The following AGBL1 variants were observed in gnomAD, a reference collection of about 807,000 sequenced individuals.
AGBL1 encodes AGBL carboxypeptidase 1.
AGBL1 carries 130 observed loss-of-function variants against 118.9 expected under a neutral mutation model. The ratio of observed to expected loss-of-function variants is 1.09; its 90% CI spans 0.95 to 1.26. The LOEUF (loss-of-function observed/expected upper bound fraction) is 1.26, where lower values mean the gene tolerates loss of function less well. Ranked by LOEUF, AGBL1 falls within the 50% of genes most tolerant of loss-of-function variation. The pLI, the probability that AGBL1 is intolerant of heterozygous loss-of-function variation, is 0.00. For synonymous variants in AGBL1, 555 were observed against 478.9 expected (o/e 1.16, Z -2.08); for missense variants, 1,584 against 1,298.1 (o/e 1.22, Z -3.38).
At chr15:86,672,135 CAG>C (rs1272466732) in intron 21 of AGBL1, among the ~76,000 whole-genome samples, 1 of 152,046 alleles carries the variant, frequency 6.6e-6, no homozygotes, top group African/African-American at 2.4e-5. Context: ...GAGAAAAAAA[CAG>C]AGTAGTAAAG....
intron 23 of AGBL1, among the ~76,000 whole-genome samples, chr15:86,934,005 C>T (rs1187189988): frequency 2.6e-5 from 4 of 152,148 alleles, no homozygotes; most frequent in South Asian, 4.1e-4. Context: ...TAATGTTCTC[C>T]GTCTGTGGAT....
chr15:86,695,227 AT>A (rs985168589), intron 22 of AGBL1, among the ~76,000 whole-genome samples: 7 of 151,644 alleles, frequency 4.6e-5, no homozygotes, highest in Non-Finnish European at 1.0e-4. Context: ...TGGTCCTAGA[AT>A]TTTTTTGTTG....
At chr15:86,365,980 G>C (rs759397560) in intron 17 of AGBL1, among the ~76,000 whole-genome samples, 13 of 152,132 alleles carry the variant, frequency 8.5e-5, no homozygotes, top group Non-Finnish European at 1.6e-4. Context: ...TGAGAAACTT[G>C]AATCAAAGCA....
chr15:87,006,709 C>A (rs1003115905), intron 24 of AGBL1, among the ~76,000 whole-genome samples: 1 of 152,116 alleles, frequency 6.6e-6, no homozygotes, highest in African/African-American at 2.4e-5. Flanking sequence ...CAACAAGCCC[C>A]AGTGAGATGA....
intron 17 of AGBL1, among the ~76,000 whole-genome samples, chr15:86,340,069 C>A (rs2080438081): frequency 6.6e-6 from 1 of 152,056 alleles, no homozygotes; most frequent in Admixed American, 6.6e-5. Flanking sequence ...ATGATAACTG[C>A]TTAAAATCTT....
In AGBL1 at chr15:86,273,763, G is replaced by A. The variant is rs2079198980; in HGVS notation, c.2075+2057G>A. Among the ~76,000 whole-genome samples the A allele has an allele frequency of 2.0e-5, 3 of 152,110 alleles. No individual in the cohort carries two copies. The South Asian group carries it at 6.2e-4, about 31-fold the overall frequency. On this transcript the variant is annotated intron_variant, in intron 15 of 22. Coordinates refer to ENST00000614907, the MANE Select transcript of AGBL1 (RefSeq NM_001386094.1). ...TTATGCTGTTAAAGTCCCAGATTTG[G>A]TGCCATGTTTTAAGAGGATGCCAGG...
intron 22 of AGBL1, among the ~76,000 whole-genome samples, chr15:86,838,504 C>G (rs7180649): frequency 0.038 from 5,710 of 152,192 alleles, 339 homozygotes; most frequent in African/African-American, 0.13. Context: ...GTTTGACTGT[C>G]TGTCCGTGGT....
At chr15:86,803,330 A>G (rs548172476) in intron 22 of AGBL1, among the ~76,000 whole-genome samples, 2 of 152,232 alleles carry the variant, frequency 1.3e-5, no homozygotes, top group East Asian at 1.9e-4. Context: ...TCCTTCTGCC[A>G]TGTGAAGAAA....
Position 86,268,216 on chromosome 15 carries a change from A to AT in AGBL1, c.1838+1151dup, listed in dbSNP as rs911933832. On this transcript the variant is annotated intron_variant, in intron 13 of 22. Transcript: ENST00000614907. ...TCCTCTTTGGGGGAGGTGAAGGGTG[A>AT]TTTTTTTTTTTGTACATAAAATATT... is the stretch of plus-strand genomic sequence containing the variant. Among the ~76,000 whole-genome samples the AT allele has an allele frequency of 1.5e-3, 214 of 147,420 alleles. 1 individual carries two copies. Among genetic ancestry groups the AT allele is most frequent in the African/African-American group, 3.1e-3 (124 of 40,524 alleles).
chr15:86,954,003 T>C lies in AGBL1; in HGVS notation c.3222-33984T>C, dbSNP rs78096987. On this transcript the variant is annotated intron_variant, in intron 23 of 24. Transcript: ENST00000441037. ...AAAAAATGCTCCTCATCACTAATTA[T>C]CAGGAAAATGCCAATCAATCAAAAA... Among the ~76,000 whole-genome samples, 423 of 152,218 alleles carry C rather than the reference T, an allele frequency of 2.8e-3. 1 individual carries two copies. The highest frequency in any genetic ancestry group is 9.4e-3 in the African/African-American group (390 of 41,536).
intron 18 of AGBL1, among the ~76,000 whole-genome samples, chr15:86,445,047 T>A (rs1170122258): frequency 2.6e-5 from 4 of 152,120 alleles, no homozygotes; most frequent in African/African-American, 9.7e-5. Context: ...CTGTCTGAGT[T>A]GGGGTGTGAA....
chr15:86,254,261 T>C (rs2078860833), intron 7 of AGBL1, among the ~76,000 whole-genome samples: 1 of 152,252 alleles, frequency 6.6e-6, no homozygotes, highest in African/African-American at 2.4e-5. Context: ...TATTCGGCAC[T>C]TGCCTACTTT....
chr15:86,624,869 C>T (rs2084860423), intron 21 of AGBL1, among the ~76,000 whole-genome samples: 1 of 152,150 alleles, frequency 6.6e-6, no homozygotes, highest in Non-Finnish European at 1.5e-5. Context: ...AGTGAGTCAG[C>T]CCTGAGTCAG....
intron 23 of AGBL1, among the ~76,000 whole-genome samples, chr15:86,958,672 T>A (rs2080958404): frequency 6.6e-6 from 1 of 152,196 alleles, no homozygotes; most frequent in African/African-American, 2.4e-5. Flanking sequence ...TATAATTTTT[T>A]ATCAGCACTT....
chr15:86,342,306 G>A lies in AGBL1; in HGVS notation c.2374+46898G>A, dbSNP rs527513179. ...TATGTTCCTTGACTTGTATATGTTG[G>A]ACTAGCTTTTCTCAGAAATATTGTA... On this transcript the variant is annotated intron_variant, in intron 17 of 22. Transcript: ENST00000614907. Among the ~76,000 whole-genome samples, 5 of 152,146 alleles carry A rather than the reference G, an allele frequency of 3.3e-5. No homozygotes were observed. In the East Asian group the frequency reaches 9.7e-4, roughly 29 times the overall value.
In AGBL1 at chr15:86,367,733, G is replaced by A. The variant is rs537666271; in HGVS notation, c.2375-29633G>A. On this transcript the variant is annotated intron_variant, in intron 17 of 22. Transcript: ENST00000614907. ...TTACAAGTGTGATCTCAGAAAAAGAGGCTTTTAGGATACTTTCCTTGTCGT... is the reference window on the plus strand; with the variant it reads ...TTACAAGTGTGATCTCAGAAAAAGAAGCTTTTAGGATACTTTCCTTGTCGT... Among the ~76,000 whole-genome samples, 9 of 152,282 alleles carry A rather than the reference G, an allele frequency of 5.9e-5. No individual in the cohort carries two copies. The South Asian group carries it at 1.9e-3, about 32-fold the overall frequency.
chr15:87,031,025 C>T (rs1284853237), downstream of AGBL1, among the ~76,000 whole-genome samples: 2 of 151,970 alleles, frequency 1.3e-5, no homozygotes, highest in African/African-American at 4.8e-5. Flanking sequence ...CAAATATTTG[C>T]TGTTATTTAA....
At position 86,115,333 on chromosome 15, in the gene AGBL1, C is replaced by T. The variant is rs1004855280; in HGVS notation, c.52-26671C>T. Among the ~76,000 whole-genome samples, 6 of 152,160 alleles carry T rather than the reference C, an allele frequency of 3.9e-5. 1 individual carries two copies. The highest frequency in any genetic ancestry group is 3.3e-4 in the Admixed American group (5 of 15,274). ...ACCTGCCTGGTAAAAAGCAGTACCA[C>T]TAGGTTGTGCTAGAGTATAAACATA... is the stretch of plus-strand genomic sequence containing the variant. On this transcript the variant is annotated intron_variant, in intron 1 of 22. Coordinates refer to ENST00000614907, the MANE Select transcript of AGBL1 (RefSeq NM_001386094.1).
rs1278423890 is a variant in AGBL1, at chr15:86,910,312, G to C, written c.*3018G>C. 6.6e-6 allele frequency: 1 copy of C among 152,188 alleles called. No individual in the cohort carries two copies. Among genetic ancestry groups the C allele is most frequent in the Non-Finnish European group, 1.5e-5 (1 of 68,032 alleles). 9.4% of individuals were successfully genotyped at this position (152,188 alleles called of 1,614,324 possible). A position where few individuals can be genotyped will look rare whatever the true frequency, so the allele number is the denominator to read the frequency against. On this transcript the variant is annotated 3_prime_UTR_variant, in exon 23 of 23. Coordinates refer to ENST00000614907, the MANE Select transcript of AGBL1 (RefSeq NM_001386094.1). ...TTGAAATAAAATGTTCAGTGTGACT[G>C]GTTTAAAAGATGTGTTTGTATGTGA...
Sources: gnomAD v4.1 joint callset for allele counts (sites outside exome capture counted in the v4.1 genomes callset) on GRCh38, gnomAD v4.1.1 for gene constraint, MANE v1.5 for transcripts, NCBI Gene and HGNC (gene_info 2026-07-23, HGNC 2026-07-21) for gene names.